Variants in HPSE2 observed in about 807,000 individuals in gnomAD.
HPSE2 encodes inactive heparanase-2.
In HPSE2, 38 loss-of-function variants were observed where a neutral mutation model predicts 60.5. That is an observed-to-expected ratio of 0.63 (90% CI 0.48 to 0.82). The LOEUF is 0.82. Ranked by LOEUF, HPSE2 falls within the 40% of genes least tolerant of loss-of-function variation. The probability of loss-of-function intolerance (pLI) is 0.00; values close to 1 mark genes in which losing one functional copy is unlikely to be tolerated. For missense variants in HPSE2, 713 were observed against 740.4 expected (o/e 0.96, Z 0.43); for synonymous variants, 295 against 293.2 (o/e 1.01, Z -0.06).
intron 2 of HPSE2, among the ~76,000 whole-genome samples, chr10:99,184,819 TAGAGAGAGAGAGAGAGAGAG>T (rs1177556672): frequency 1.2e-3 from 23 of 19,866 alleles, no homozygotes; most frequent in Admixed American, 5.5e-3. Flanking sequence ...TATATATATA[TAGAGAGAGAGAGAGAGAGAG>T]AGAGAGAGAG....
intron 3 of HPSE2, among the ~76,000 whole-genome samples, chr10:99,021,880 T>C (rs760291466): frequency 1.3e-5 from 2 of 151,708 alleles, no homozygotes; most frequent in African/African-American, 4.8e-5. Flanking sequence ...GAGGCACTCA[T>C]TGTACCTGTT....
At chr10:98,661,692 C>A (rs955354551) in intron 6 of HPSE2, among the ~76,000 whole-genome samples, 1 of 152,124 alleles carries the variant, frequency 6.6e-6, no homozygotes, top group African/African-American at 2.4e-5. Flanking sequence ...AAGCCTGTAC[C>A]ATAATTTTTA....
chr10:99,230,937 T>G (rs1169029503), intron 2 of HPSE2, among the ~76,000 whole-genome samples: 2 of 152,182 alleles, frequency 1.3e-5, no homozygotes, highest in Non-Finnish European at 2.9e-5. Flanking sequence ...CCATAGGAGG[T>G]GCTGTTAAAG....
chr10:99,277,481 G>C, the HPSE2 span, among the ~76,000 whole-genome samples: 9 of 152,204 alleles, frequency 5.9e-5, no homozygotes, highest in African/African-American at 2.2e-4. Flanking sequence ...TGAGCTCAGT[G>C]TCACTGGATG....
chr10:98,936,181 TC>T (rs2135127529), intron 3 of HPSE2, among the ~76,000 whole-genome samples: 1 of 144,460 alleles, frequency 6.9e-6, no homozygotes, highest in East Asian at 2.0e-4. Flanking sequence ...CCAGGCAGAC[TC>T]CAGACTTCTG....
intron 3 of HPSE2, among the ~76,000 whole-genome samples, chr10:98,921,022 C>T (rs567176422): frequency 3.9e-5 from 6 of 152,278 alleles, no homozygotes; most frequent in Admixed American, 3.9e-4. Flanking sequence ...GTTAAGTGTG[C>T]AGGCTCTGTA....
At chr10:99,225,178 T>G in intron 2 of HPSE2, among the ~76,000 whole-genome samples, 1 of 152,258 alleles carries the variant, frequency 6.6e-6, no homozygotes, top group Non-Finnish European at 1.5e-5. Flanking sequence ...TACTGACACT[T>G]TTTAATACAA....
chr10:98,466,086 G>A (rs963748668), intron 11 of HPSE2, among the ~76,000 whole-genome samples: 6 of 152,128 alleles, frequency 3.9e-5, no homozygotes, highest in Non-Finnish European at 5.9e-5. Flanking sequence ...CACTGTTCTC[G>A]ATAGCCATGG....
At chr10:99,132,237 G>GAAAGAAAGAA (rs1308434482) in intron 3 of HPSE2, among the ~76,000 whole-genome samples, 31 of 20,578 alleles carry the variant, frequency 1.5e-3, no homozygotes, top group South Asian at 2.8e-3. Flanking sequence ...GAGAGAGAGA[G>GAAAGAAAGAA]AGAGAGAAAG....
At chr10:98,736,686 T>C (rs1313613943) in intron 4 of HPSE2, among the ~76,000 whole-genome samples, 1 of 152,238 alleles carries the variant, frequency 6.6e-6, no homozygotes, top group Admixed American at 6.5e-5. Context: ...ATTCCTCCAG[T>C]TCTAGCATAT....
At chr10:99,096,973 T>G (rs1173197950) in intron 3 of HPSE2, among the ~76,000 whole-genome samples, 1 of 152,174 alleles carries the variant, frequency 6.6e-6, no homozygotes, top group Non-Finnish European at 1.5e-5. Flanking sequence ...GGTGGACCAC[T>G]AGGTCCTGAC....
intron 5 of HPSE2, among the ~76,000 whole-genome samples, chr10:98,718,517 T>C (rs938603595): frequency 1.3e-5 from 2 of 152,134 alleles, no homozygotes; most frequent in Non-Finnish European, 2.9e-5. Flanking sequence ...ATATTCACAA[T>C]AGTCAAGATA....
intron 2 of HPSE2, among the ~76,000 whole-genome samples, chr10:99,155,069 T>C (rs1278676464): frequency 6.8e-6 from 1 of 146,386 alleles, no homozygotes; most frequent in Non-Finnish European, 1.5e-5. Flanking sequence ...TAAATATATA[T>C]GCACCCAATA....
chr10:98,513,200 T>C (rs1942478975), intron 9 of HPSE2, among the ~76,000 whole-genome samples: 1 of 152,216 alleles, frequency 6.6e-6, no homozygotes, highest in African/African-American at 2.4e-5. Context: ...TTGTATGGCC[T>C]CCTGCCCCTT....
the HPSE2 span, among the ~76,000 whole-genome samples, chr10:99,311,434 TTTC>T: frequency 6.6e-6 from 1 of 152,242 alleles, no homozygotes; most frequent in Admixed American, 6.5e-5. Flanking sequence ...CTTGTTAATA[TTTC>T]AAGCTTTTTC....
chr10:98,679,375 G>A (rs1947727201), intron 6 of HPSE2, among the ~76,000 whole-genome samples: 1 of 152,152 alleles, frequency 6.6e-6, no homozygotes, highest in South Asian at 2.1e-4. Flanking sequence ...CACCTCTCAT[G>A]AGTGCACAGC....
chr10:98,922,335 A>G (rs1019538731), intron 3 of HPSE2, among the ~76,000 whole-genome samples: 3 of 152,128 alleles, frequency 2.0e-5, no homozygotes, highest in African/African-American at 4.8e-5. Flanking sequence ...AAGTTCTATA[A>G]AAGACCAAGA....
intron 4 of HPSE2, among the ~76,000 whole-genome samples, chr10:98,741,113 A>C (rs1285959117): frequency 6.6e-6 from 1 of 152,150 alleles, no homozygotes; most frequent in Non-Finnish European, 1.5e-5. Flanking sequence ...TTAATCATTT[A>C]TTATGGTTAC....
intron 3 of HPSE2, among the ~76,000 whole-genome samples, chr10:98,950,039 T>A (rs1004943927): frequency 3.3e-5 from 5 of 152,200 alleles, no homozygotes; most frequent in African/African-American, 1.2e-4. Flanking sequence ...CTAGTGTTTT[T>A]ATTTTTTCTT....
Sources: gnomAD v4.1 joint callset for allele counts (sites outside exome capture counted in the v4.1 genomes callset) on GRCh38, gnomAD v4.1.1 for gene constraint, MANE v1.5 for transcripts, NCBI Gene and HGNC (gene_info 2026-07-23, HGNC 2026-07-21) for gene names.